The following FBXO4 variants were observed in gnomAD, a reference collection of about 807,000 sequenced individuals.
The protein encoded by FBXO4 is F-box protein 4, also known as F-box only protein 4.
FBXO4 carries 36 observed loss-of-function variants against 43.7 expected under a neutral mutation model. The observed-to-expected ratio is 0.82, with a 90% confidence interval of 0.63 to 1.09. The LOEUF (loss-of-function observed/expected upper bound fraction) is 1.09. Ranked by LOEUF, FBXO4 falls within the 50% of genes least tolerant of loss-of-function variation. FBXO4 has a pLI of 0.00. For synonymous variants in FBXO4, 180 were observed against 165.6 expected (o/e 1.09, Z -0.67); for missense variants, 435 against 474.1 (o/e 0.92, Z 0.77).
the FBXO4 span, among the ~76,000 whole-genome samples, chr5:42,021,741 T>A: frequency 6.6e-6 from 1 of 152,154 alleles, no homozygotes; most frequent in African/African-American, 2.4e-5. Flanking sequence ...TGGGATTGGG[T>A]AGGAGACTTT....
the FBXO4 span, among the ~76,000 whole-genome samples, chr5:42,025,457 G>C: frequency 1.3e-5 from 2 of 151,960 alleles, 1 homozygote; most frequent in African/African-American, 4.8e-5. Context: ...TTGTCGGATG[G>C]GTAATTTGCA....
the FBXO4 span, among the ~76,000 whole-genome samples, chr5:41,965,967 A>T: frequency 6.6e-6 from 1 of 152,232 alleles, no homozygotes; most frequent in African/African-American, 2.4e-5. Context: ...CTATGCAGCC[A>T]TTAAAAATGA....
At chr5:41,932,101 G>C (rs147894936) in intron 3 of FBXO4, among the ~76,000 whole-genome samples, 480 of 152,300 alleles carry the variant, frequency 3.2e-3, no homozygotes, top group Non-Finnish European at 3.8e-3. Context: ...AAGAGGTTGA[G>C]GAAATGGGGA....
chr5:41,960,548 G>A, the FBXO4 span, among the ~76,000 whole-genome samples: 1 of 152,100 alleles, frequency 6.6e-6, no homozygotes, highest in Admixed American at 6.6e-5. Flanking sequence ...TTTGTTGGGA[G>A]TTTTATGATG....
the FBXO4 span, among the ~76,000 whole-genome samples, chr5:41,963,686 A>G: frequency 6.6e-6 from 1 of 152,208 alleles, no homozygotes; most frequent in Non-Finnish European, 1.5e-5. Flanking sequence ...GAATCATCAT[A>G]AAATTCTTCA....
chr5:42,012,531 T>C, the FBXO4 span, among the ~76,000 whole-genome samples: 1 of 152,128 alleles, frequency 6.6e-6, no homozygotes, highest in African/African-American at 2.4e-5. Flanking sequence ...TTGGCAATAA[T>C]AGCCACAATC....
At chr5:41,925,556 TC>T in intron 1 of FBXO4, 58 bp downstream of exon 1, 1 of 1,224,712 alleles carries the variant, frequency 8.2e-7, no homozygotes. Flanking sequence ...CGGAGGGACC[TC>T]CCCTGGAGCC....
At chr5:42,040,254 G>T in the FBXO4 span, among the ~76,000 whole-genome samples, 1 of 151,966 alleles carries the variant, frequency 6.6e-6, no homozygotes, top group South Asian at 2.1e-4. Context: ...TTTAATATGT[G>T]TGTGTGTTTT....
At chr5:41,982,337 A>G in the FBXO4 span, among the ~76,000 whole-genome samples, 24 of 152,120 alleles carry the variant, frequency 1.6e-4, no homozygotes, top group Admixed American at 1.3e-3. Flanking sequence ...TGTCTTCCAC[A>G]ATGGTTGAAC....
the FBXO4 span, among the ~76,000 whole-genome samples, chr5:42,039,844 A>G: frequency 2.6e-5 from 4 of 152,136 alleles, no homozygotes; most frequent in Admixed American, 6.6e-5. Flanking sequence ...TGACTCATTT[A>G]AAAGAATGCC....
At chr5:42,000,462 T>G in the FBXO4 span, among the ~76,000 whole-genome samples, 2 of 152,244 alleles carry the variant, frequency 1.3e-5, no homozygotes, top group Non-Finnish European at 2.9e-5. Flanking sequence ...GATATTGAAA[T>G]ATTTGTTTTA....
At chr5:41,988,149 T>C in the FBXO4 span, among the ~76,000 whole-genome samples, 40 of 152,260 alleles carry the variant, frequency 2.6e-4, no homozygotes, top group South Asian at 1.9e-3. Context: ...TATAGACCTA[T>C]GTTTAGGTCT....
the FBXO4 span, among the ~76,000 whole-genome samples, chr5:42,023,376 A>G: frequency 1.3e-5 from 2 of 152,002 alleles, no homozygotes; most frequent in African/African-American, 4.8e-5. Context: ...ACCTCCTTCA[A>G]TGCCTGTGCA....
the FBXO4 span, among the ~76,000 whole-genome samples, chr5:41,982,999 GA>G: frequency 6.6e-6 from 1 of 152,092 alleles, no homozygotes; most frequent in Admixed American, 6.6e-5. Context: ...TTAGTTTGCT[GA>G]GAATGATGGT....
At chr5:42,009,269 A>G in the FBXO4 span, among the ~76,000 whole-genome samples, 2 of 151,966 alleles carry the variant, frequency 1.3e-5, no homozygotes, top group Non-Finnish European at 2.9e-5. Flanking sequence ...AGTCAGGCCA[A>G]TTCTTCAGTG....
the FBXO4 span, among the ~76,000 whole-genome samples, chr5:41,993,787 G>A: frequency 6.6e-6 from 1 of 152,144 alleles, no homozygotes; most frequent in Non-Finnish European, 1.5e-5. Context: ...GGAGTCTGAT[G>A]TTCAAGGGCA....
the FBXO4 span, among the ~76,000 whole-genome samples, chr5:41,962,010 A>G: frequency 2.6e-5 from 4 of 152,044 alleles, no homozygotes; most frequent in Non-Finnish European, 5.9e-5. Context: ...CATATTCCCA[A>G]TATTTTTGCT....
At chr5:41,973,303 C>A in the FBXO4 span, among the ~76,000 whole-genome samples, 1 of 152,092 alleles carries the variant, frequency 6.6e-6, no homozygotes, top group East Asian at 1.9e-4. Context: ...AAGCACCCAA[C>A]GCGCATATTT....
At chr5:41,961,455 T>C in the FBXO4 span, among the ~76,000 whole-genome samples, 1 of 152,092 alleles carries the variant, frequency 6.6e-6, no homozygotes, top group Non-Finnish European at 1.5e-5. Context: ...GGAGGGACTA[T>C]GGTTCTGGAA....
Sources: gnomAD v4.1 joint callset for allele counts (sites outside exome capture counted in the v4.1 genomes callset) on GRCh38, gnomAD v4.1.1 for gene constraint, MANE v1.5 for transcripts, NCBI Gene and HGNC (gene_info 2026-07-23, HGNC 2026-07-21) for gene names.